The following ATP2C1 variants were observed in gnomAD, a reference collection of about 807,000 sequenced individuals.
ATP2C1 encodes ATPase secretory pathway Ca2+ transporting 1.
Under a neutral mutation model 120.5 loss-of-function variants are expected in ATP2C1, and 31 were observed. The observed-to-expected ratio is 0.26, with a 90% CI of 0.19 to 0.35. The LOEUF (loss-of-function observed/expected upper bound fraction) is 0.35. Among genes scored for constraint, ATP2C1 ranks in the 10% least tolerant of loss-of-function variants. The pLI is 1.00. For synonymous variants in ATP2C1, 351 were observed against 358.7 expected, an observed-to-expected ratio of 0.98 and a Z score of 0.24; for missense variants, 731 against 1,107.5, an observed-to-expected ratio of 0.66 and a Z score of 4.83.
At chr3:130,997,802 G>C in intron 25 of ATP2C1, 49 bp downstream of exon 25, 2 of 1,594,078 alleles carry the variant, frequency 1.3e-6, no homozygotes, top group Non-Finnish European at 1.7e-6. Context: ...CTGTATATCT[G>C]ATAGGATTCT....
intron 11 of ATP2C1, among the ~76,000 whole-genome samples, chr3:130,957,305 TTTTA>T (rs1406975341): frequency 2.0e-5 from 3 of 152,196 alleles, no homozygotes; most frequent in African/African-American, 7.2e-5. Context: ...TTGTATAGTT[TTTTA>T]TTTTTGACAT....
At chr3:130,950,210 C>T (rs566045029) in intron 8 of ATP2C1, among the ~76,000 whole-genome samples, 7 of 152,116 alleles carry the variant, frequency 4.6e-5, no homozygotes, top group South Asian at 4.1e-4. Context: ...ATTATATAGT[C>T]GTCTTGATTC....
chr3:130,937,318 G>C (rs1252357966), intron 5 of ATP2C1, 110 bp from the exon 6 acceptor site: 2 of 895,190 alleles, frequency 2.2e-6, no homozygotes, highest in Non-Finnish European at 3.7e-6. Flanking sequence ...GCTGATCTCA[G>C]TGTTTAAAAT....
chr3:130,941,789 T>A, intron 8 of ATP2C1, 90 bp downstream of exon 8: 1 of 1,128,564 alleles, frequency 8.9e-7, no homozygotes, highest in Admixed American at 1.8e-5. Flanking sequence ...TAACACATAG[T>A]TGATTTGAAC....
intron 23 of ATP2C1, 48 bp downstream of exon 23, chr3:130,996,159 A>T (rs141102015): frequency 1.3e-4 from 177 of 1,321,660 alleles, no homozygotes; most frequent in Non-Finnish European, 1.7e-4. Flanking sequence ...GATAAATTAT[A>T]TGAAAAGTAG....
chr3:130,973,403 G>A (rs1559996078), intron 17 of ATP2C1, among the ~76,000 whole-genome samples: 1 of 152,176 alleles, frequency 6.6e-6, no homozygotes, highest in Non-Finnish European at 1.5e-5. Flanking sequence ...AGGAACTAAA[G>A]TATGGTAGTC....
At chr3:130,877,105 T>G (rs1334946453) in intron 1 of ATP2C1, among the ~76,000 whole-genome samples, 2 of 152,242 alleles carry the variant, frequency 1.3e-5, no homozygotes, top group Non-Finnish European at 2.9e-5. Context: ...TATTTATTTC[T>G]CTTGCCTAAT....
chr3:130,929,963 C>G, intron 2 of ATP2C1: 1 of 255,740 alleles, frequency 3.9e-6, no homozygotes, highest in South Asian at 4.5e-5. Context: ...GAAAGAGTAG[C>G]CAGTTGTCTT....
In ATP2C1 at chr3:130,903,504, G is replaced by A. The variant is rs572067779; in HGVS notation, c.6+8729G>A. 2.6e-4 allele frequency among the ~76,000 whole-genome samples: 40 copies of A among 152,008 alleles called. 2 individuals carry two copies. The South Asian group carries it at 7.7e-3, about 29-fold the overall frequency. ...ATAAGGGTTTGGTTTGTCATAGCCT[G>A]TAAAATTAGGTTCACCAGTTAGCTG... On this transcript the variant is annotated intron_variant, in intron 2 of 27. Coordinates refer to ENST00000510168, the MANE Select transcript of ATP2C1 (RefSeq NM_001378687.1).
chr3:130,984,430 CTGTTTA>C (rs1295816918), intron 20 of ATP2C1, among the ~76,000 whole-genome samples: 3 of 152,200 alleles, frequency 2.0e-5, no homozygotes, highest in Admixed American at 6.5e-5. Flanking sequence ...GAAAAAGTTT[CTGTTTA>C]TATTTCCATA....
intron 26 of ATP2C1, chr3:131,015,847 A>G (rs1265501842): frequency 1.9e-5 from 9 of 472,480 alleles, no homozygotes; most frequent in Non-Finnish European, 2.7e-5. Flanking sequence ...AGAGAGTTGT[A>G]TCCTACCAAT....
chr3:130,897,197 G>A (rs866502979), intron 2 of ATP2C1, among the ~76,000 whole-genome samples: 2 of 152,298 alleles, frequency 1.3e-5, no homozygotes, highest in Middle Eastern at 6.8e-3. Flanking sequence ...TGAGGGATAA[G>A]TGGAGTTAGG....
At chr3:130,873,549 T>C (rs946144040) in intron 1 of ATP2C1, among the ~76,000 whole-genome samples, 4 of 152,202 alleles carry the variant, frequency 2.6e-5, no homozygotes, top group Admixed American at 2.0e-4. Context: ...CAAGTACTTT[T>C]GTACTTTTCC....
chr3:130,983,567 C>A, intron 20 of ATP2C1, among the ~76,000 whole-genome samples: 1 of 152,230 alleles, frequency 6.6e-6, no homozygotes, highest in East Asian at 1.9e-4. Flanking sequence ...CATATATCCA[C>A]CATTACAATT....
At chr3:130,875,969 T>G (rs976245348) in intron 1 of ATP2C1, among the ~76,000 whole-genome samples, 7 of 147,650 alleles carry the variant, frequency 4.7e-5, no homozygotes, top group Admixed American at 2.7e-4. Context: ...AATATTTGAG[T>G]TTTTTTTGGA....
At chr3:131,000,567 C>T (rs1414231662) in intron 27 of ATP2C1, among the ~76,000 whole-genome samples, 1 of 152,038 alleles carries the variant, frequency 6.6e-6, no homozygotes, top group Non-Finnish European at 1.5e-5. Flanking sequence ...ACTGTTGATA[C>T]AGTACTTTTT....
chr3:130,970,204 G>C (rs1247130867), intron 17 of ATP2C1, among the ~76,000 whole-genome samples: 1 of 152,012 alleles, frequency 6.6e-6, no homozygotes, highest in African/African-American at 2.4e-5. Context: ...TGTAGTCCCA[G>C]CTACTCAGGA....
At chr3:130,956,273 CT>C (rs964823840) in intron 11 of ATP2C1, 94 bp downstream of exon 11, 23 of 705,590 alleles carry the variant, frequency 3.3e-5, no homozygotes, top group Non-Finnish European at 4.9e-5. Context: ...ATTGGCTTTT[CT>C]TTTTTTTATT....
chr3:130,992,886 A>G (rs2062420081), intron 20 of ATP2C1, 65 bp from the exon 21 acceptor site: 3 of 1,302,686 alleles, frequency 2.3e-6, no homozygotes, highest in South Asian at 1.2e-5. Flanking sequence ...TTAGTTATGA[A>G]TGCATGGGTT....
Sources: gnomAD v4.1 joint callset for allele counts (sites outside exome capture counted in the v4.1 genomes callset) on GRCh38, gnomAD v4.1.1 for gene constraint, MANE v1.5 for transcripts, NCBI Gene and HGNC (gene_info 2026-07-23, HGNC 2026-07-21) for gene names.